Variants in PLEKHM3 observed in about 807,000 individuals in gnomAD.
PLEKHM3 encodes the protein pleckstrin homology domain-containing family M member 3.
A neutral mutation model predicts 81.8 loss-of-function variants in PLEKHM3; 45 were observed. That is an observed-to-expected ratio of 0.55 (90% CI 0.43 to 0.71). The LOEUF (loss-of-function observed/expected upper bound fraction) is 0.71, where lower values mean the gene tolerates loss of function less well. Among genes scored for constraint, PLEKHM3 ranks in the 30% least tolerant of loss-of-function variants. The probability of loss-of-function intolerance (pLI) is 0.00; values close to 1 mark genes in which losing one functional copy is unlikely to be tolerated. For synonymous variants in PLEKHM3, 352 were observed against 356.4 expected (o/e 0.99, Z 0.14); for missense variants, 788 against 924.3 (o/e 0.85, Z 1.91).
chr2:207,913,812 C>A, intron 5 of PLEKHM3, among the ~76,000 whole-genome samples: 1 of 151,564 alleles, frequency 6.6e-6, no homozygotes, highest in African/African-American at 2.4e-5. Flanking sequence ...GCTGAAGACA[C>A]AAAAGTAGAG....
intron 6 of PLEKHM3, among the ~76,000 whole-genome samples, chr2:207,890,204 C>T (rs1688018423): frequency 6.6e-6 from 1 of 152,172 alleles, no homozygotes; most frequent in South Asian, 2.1e-4. Flanking sequence ...TCCTAGAAAA[C>T]AGGTAGTTAA....
intron 7 of PLEKHM3, among the ~76,000 whole-genome samples, chr2:207,859,163 G>C (rs1427546398): frequency 2.4e-5 from 3 of 126,804 alleles, no homozygotes; most frequent in Non-Finnish European, 5.0e-5. Flanking sequence ...TTGAGATGGA[G>C]TTTCACTTTT....
intron 2 of PLEKHM3, among the ~76,000 whole-genome samples, chr2:207,997,922 TA>T (rs1226708696): frequency 6.6e-6 from 1 of 152,220 alleles, no homozygotes; most frequent in African/African-American, 2.4e-5. Flanking sequence ...TCAAAGGTTT[TA>T]AAATAAATTT....
At chr2:207,862,294 T>C (rs2092471473) in intron 6 of PLEKHM3, among the ~76,000 whole-genome samples, 1 of 152,106 alleles carries the variant, frequency 6.6e-6, no homozygotes, top group Non-Finnish European at 1.5e-5. Context: ...TAGCTGAAAA[T>C]AGTTTCTTTC....
intron 2 of PLEKHM3, among the ~76,000 whole-genome samples, chr2:207,985,982 C>T (rs545905724): frequency 1.2e-3 from 120 of 102,470 alleles, no homozygotes; most frequent in African/African-American, 3.0e-3. Context: ...AGCGAGACTC[C>T]GTCTCAAAAA....
chr2:207,931,016 G>A lies in PLEKHM3; in HGVS notation c.1796C>T (p.Ala599Val). 1 of 1,614,040 alleles carries A rather than the reference G, an allele frequency of 6.2e-7. No homozygotes were observed. Among genetic ancestry groups the A allele is most frequent in the Non-Finnish European group, 8.5e-7 (1 of 1,179,898 alleles). ...CCGCTGCCGCAGCCGCAGCACGGCG[G>A]CCAGCGGCTCTGCGTGGTGGTACAG... Reference protein sequence around the residue: ...AMLYHHAEPLAAVLRLRQRLK... With the variant: ...AMLYHHAEPLVAVLRLRQRLK... Residue 599 changes from alanine (A) to valine (V), a missense_variant, in exon 5 of 8, where the codon GCC (alanine) becomes GTC (valine). By Grantham distance (64) the Ala-to-Val change is moderately conservative. Transcript: ENST00000427836.
At chr2:208,009,486 T>C (rs1293866799) in intron 1 of PLEKHM3, among the ~76,000 whole-genome samples, 1 of 152,218 alleles carries the variant, frequency 6.6e-6, no homozygotes, top group East Asian at 1.9e-4. Context: ...TAATTACAGG[T>C]TATCAAAAGC....
chr2:207,880,631 C>T (rs866078543), intron 6 of PLEKHM3, among the ~76,000 whole-genome samples: 4 of 147,698 alleles, frequency 2.7e-5, no homozygotes, highest in Non-Finnish European at 6.0e-5. Context: ...GGCGTGTTGG[C>T]GGGCGCCTGT....
At chr2:207,926,426 T>C (rs566342564) in intron 5 of PLEKHM3, among the ~76,000 whole-genome samples, 1 of 152,334 alleles carries the variant, frequency 6.6e-6, no homozygotes, top group East Asian at 1.9e-4. Flanking sequence ...CACATCCTGC[T>C]GTTCCTGTGT....
Position 207,930,998 on chromosome 2 carries a change from C to T in PLEKHM3, c.1814G>A (p.Arg605Gln). 1 of 1,613,852 alleles carries T rather than the reference C, an allele frequency of 6.2e-7. No homozygotes were observed. Among genetic ancestry groups the T allele is most frequent in the Non-Finnish European group, 8.5e-7 (1 of 1,179,794 alleles). The change falls in exon 5 of 8, where the codon CGG (arginine) becomes CAG (glutamine). Residue 605 changes from arginine to glutamine, a missense_variant. Coordinates refer to ENST00000427836, the MANE Select transcript of PLEKHM3 (RefSeq NM_001080475.3). The stretch of plus-strand genomic sequence containing the variant: ...GGCTCGGAGCGACTTCAGCCGCTGC[C>T]GCAGCCGCAGCACGGCGGCCAGCGG... ...AEPLAAVLRL[R>Q]QRLKSLRAYL...
chr2:207,961,372 A>T (rs895853679), intron 3 of PLEKHM3, among the ~76,000 whole-genome samples: 7 of 152,336 alleles, frequency 4.6e-5, no homozygotes, highest in Non-Finnish European at 1.0e-4. Flanking sequence ...CTTCCTTTAT[A>T]GAAAAAATAT....
At chr2:207,850,604 T>A (rs1431361292) in intron 7 of PLEKHM3, among the ~76,000 whole-genome samples, 1 of 152,184 alleles carries the variant, frequency 6.6e-6, no homozygotes, top group Non-Finnish European at 1.5e-5. Context: ...AGAAATAGCA[T>A]CTCTGCAGAA....
At chr2:207,866,060 T>C (rs1463837193) in intron 6 of PLEKHM3, among the ~76,000 whole-genome samples, 1 of 151,944 alleles carries the variant, frequency 6.6e-6, no homozygotes, top group Non-Finnish European at 1.5e-5. Context: ...GTTTTATTTC[T>C]AGATGTCAGT....
intron 2 of PLEKHM3, among the ~76,000 whole-genome samples, chr2:207,999,052 G>A (rs1468637369): frequency 6.6e-6 from 1 of 151,806 alleles, no homozygotes; most frequent in Non-Finnish European, 1.5e-5. Flanking sequence ...CAGTGGCACA[G>A]TCTCACTGCA....
At chr2:207,997,030 C>A (rs1418106750) in intron 2 of PLEKHM3, among the ~76,000 whole-genome samples, 2 of 151,048 alleles carry the variant, frequency 1.3e-5, no homozygotes, top group Non-Finnish European at 2.9e-5. Context: ...AATTACAATG[C>A]GGGTACAGAG....
chr2:207,998,321 T>C (rs934542883), intron 2 of PLEKHM3, among the ~76,000 whole-genome samples: 2 of 152,124 alleles, frequency 1.3e-5, no homozygotes, highest in Admixed American at 1.3e-4. Context: ...CTGGGCAACA[T>C]AGCAAGACCT....
At position 207,837,192 on chromosome 2, in the gene PLEKHM3, C is replaced by T. The variant is rs77990678; in HGVS notation, c.2109-8696G>A. Among the ~76,000 whole-genome samples, 457 of 152,218 alleles carry T rather than the reference C, an allele frequency of 3.0e-3. 3 individuals carry two copies. The highest frequency in any genetic ancestry group is 0.01 in the African/African-American group (432 of 41,508). Reference sequence around the variant, plus strand: ...TTTGTAATTTGCTTGAATAGGAAATCAGCCAATATCATGTATAGTTTATGC... The same window carrying T: ...TTTGTAATTTGCTTGAATAGGAAATTAGCCAATATCATGTATAGTTTATGC... On this transcript the variant is annotated intron_variant, in intron 7 of 7. Transcript: ENST00000427836.
chr2:207,890,848 A>G (rs185903675), intron 6 of PLEKHM3, among the ~76,000 whole-genome samples: 1 of 152,224 alleles, frequency 6.6e-6, no homozygotes, highest in African/African-American at 2.4e-5. Context: ...TTACCAAAGC[A>G]AATCAACTAC....
chr2:208,002,753 C>G (rs59084898), intron 1 of PLEKHM3, among the ~76,000 whole-genome samples: 1 of 152,062 alleles, frequency 6.6e-6, no homozygotes, highest in African/African-American at 2.4e-5. Flanking sequence ...TTACCAAGAC[C>G]AGGCCAAATT....
Sources: allele counts gnomAD v4.1 joint callset (sites outside exome capture counted in the v4.1 genomes callset), GRCh38; gene constraint gnomAD v4.1.1; transcripts MANE v1.5; gene names NCBI Gene and HGNC (gene_info 2026-07-23, HGNC 2026-07-21).